Variants in CNTNAP2 observed in about 807,000 individuals in gnomAD.
CNTNAP2 encodes the protein contactin-associated protein-like 2.
Under a neutral mutation model 155.2 loss-of-function variants are expected in CNTNAP2, and 98 were observed. The observed-to-expected ratio is 0.63, with a 90% confidence interval of 0.54 to 0.75. The LOEUF is 0.75. CNTNAP2 is among the 30% of genes least tolerant of loss of function. CNTNAP2 has a pLI of 0.00. For synonymous variants in CNTNAP2, 651 were observed against 631.2 expected, an observed-to-expected ratio of 1.03 and a Z score of -0.47; for missense variants, 1,727 against 1,688.1, an observed-to-expected ratio of 1.02 and a Z score of -0.40.
At chr7:147,840,443 G>A (rs1183143979) in intron 13 of CNTNAP2, among the ~76,000 whole-genome samples, 1 of 152,172 alleles carries the variant, frequency 6.6e-6, no homozygotes, top group African/African-American at 2.4e-5. Context: ...GCAGTTGGGG[G>A]TGTCTGAGTT....
Position 146,697,507 on chromosome 7 carries a change from G to A in CNTNAP2, c.98-76764G>A, listed in dbSNP as rs545595277. On this transcript the variant is annotated intron_variant, in intron 1 of 23. Coordinates refer to ENST00000361727, the MANE Select transcript of CNTNAP2 (RefSeq NM_014141.6). ...TCCCTTCTCAGCCTCCCAAAGTGCG[G>A]GGATCATAGGCGTGAGCCACCACGC... is the stretch of plus-strand genomic sequence containing the variant. 4.6e-5 allele frequency among the ~76,000 whole-genome samples: 7 copies of A among 152,260 alleles called. No homozygotes were observed. The South Asian group carries it at 1.5e-3, about 32-fold the overall frequency.
chr7:147,101,710 G>A (rs1401780528), intron 4 of CNTNAP2, among the ~76,000 whole-genome samples: 2 of 151,974 alleles, frequency 1.3e-5, no homozygotes, highest in Non-Finnish European at 2.9e-5. Flanking sequence ...ACCACCCCAC[G>A]GCCATTCTCC....
intron 13 of CNTNAP2, among the ~76,000 whole-genome samples, chr7:147,678,133 C>T (rs1795895998): frequency 6.6e-6 from 1 of 151,840 alleles, no homozygotes; most frequent in Non-Finnish European, 1.5e-5. Context: ...TCCTTTCTAT[C>T]TTGCCCTGAA....
intron 17 of CNTNAP2, among the ~76,000 whole-genome samples, chr7:148,153,179 A>ATCTT (rs1805336567): frequency 6.6e-6 from 1 of 150,766 alleles, no homozygotes; most frequent in Non-Finnish European, 1.5e-5. Context: ...TTGCTGTGTG[A>ATCTT]TCTTTGCAAA....
intron 8 of CNTNAP2, among the ~76,000 whole-genome samples, chr7:147,194,642 T>C (rs10274399): frequency 0.34 from 52,193 of 152,090 alleles, 10,075 homozygotes; most frequent in East Asian, 0.6. Context: ...TGGTATCTAA[T>C]TGTGGTTTTG....
chr7:146,914,195 CTT>C (rs778808290), intron 3 of CNTNAP2, among the ~76,000 whole-genome samples: 11 of 152,026 alleles, frequency 7.2e-5, no homozygotes, highest in Non-Finnish European at 1.5e-4. Flanking sequence ...TTTATCCACT[CTT>C]TGACTGGTGG....
intron 13 of CNTNAP2, among the ~76,000 whole-genome samples, chr7:147,897,550 G>A (rs922598941): frequency 3.3e-5 from 5 of 152,174 alleles, no homozygotes; most frequent in African/African-American, 1.2e-4. Flanking sequence ...AAATGAATAT[G>A]ATAATCAGTT....
intron 3 of CNTNAP2, among the ~76,000 whole-genome samples, chr7:146,859,721 A>G (rs1795062554): frequency 6.6e-6 from 1 of 152,116 alleles, no homozygotes; most frequent in South Asian, 2.1e-4. Flanking sequence ...CTCTAAGCTT[A>G]ATTCCACCTC....
intron 1 of CNTNAP2, among the ~76,000 whole-genome samples, chr7:146,557,167 A>G (rs936101032): frequency 6.6e-6 from 1 of 152,020 alleles, no homozygotes; most frequent in Non-Finnish European, 1.5e-5. Flanking sequence ...CAACAGTGCC[A>G]TCAGCTGTAA....
At chr7:148,369,181 CTTTTTTTTTTTT>C (rs376460265) in intron 21 of CNTNAP2, among the ~76,000 whole-genome samples, 12 of 92,304 alleles carry the variant, frequency 1.3e-4, no homozygotes, top group Non-Finnish European at 2.0e-4. Flanking sequence ...AATTGAATCC[CTTTTTTTTTTTT>C]TTTTTTTTTT....
chr7:148,171,903 G>C (rs1805801256), intron 17 of CNTNAP2, among the ~76,000 whole-genome samples: 2 of 152,170 alleles, frequency 1.3e-5, no homozygotes, highest in African/African-American at 4.8e-5. Flanking sequence ...TCGATGTTGT[G>C]AGATTAAAGA....
At chr7:146,289,393 T>C (rs982717223) in intron 1 of CNTNAP2, among the ~76,000 whole-genome samples, 9 of 152,218 alleles carry the variant, frequency 5.9e-5, no homozygotes, top group Admixed American at 2.0e-4. Context: ...ATCTATCTCA[T>C]GGGAATTAAC....
At chr7:146,436,301 C>T (rs1374088513) in intron 1 of CNTNAP2, among the ~76,000 whole-genome samples, 3 of 152,066 alleles carry the variant, frequency 2.0e-5, no homozygotes, top group Admixed American at 1.3e-4. Flanking sequence ...TCAGTGTCTA[C>T]AAAAGAGGTA....
intron 3 of CNTNAP2, among the ~76,000 whole-genome samples, chr7:146,950,628 C>G (rs1224717250): frequency 6.6e-6 from 1 of 152,122 alleles, no homozygotes; most frequent in Non-Finnish European, 1.5e-5. Context: ...TGAACTCATT[C>G]TTTTCTATGG....
At chr7:148,109,365 T>TTTGTTTTGTA (rs2116594558) in intron 15 of CNTNAP2, among the ~76,000 whole-genome samples, 1 of 142,026 alleles carries the variant, frequency 7.0e-6, no homozygotes, top group South Asian at 2.3e-4. Context: ...TTTGTTTTGT[T>TTTGTTTTGTA]TTGTTTTGTT....
At chr7:147,869,344 A>C (rs948778433) in intron 13 of CNTNAP2, among the ~76,000 whole-genome samples, 2 of 152,244 alleles carry the variant, frequency 1.3e-5, no homozygotes, top group Admixed American at 1.3e-4. Flanking sequence ...TAGTTTGATC[A>C]TGAGATATTG....
At chr7:148,374,810 C>T (rs935955021) in intron 21 of CNTNAP2, among the ~76,000 whole-genome samples, 1 of 152,194 alleles carries the variant, frequency 6.6e-6, no homozygotes, top group African/African-American at 2.4e-5. Context: ...TGTTTCCCAG[C>T]AGCAAATAGC....
intron 9 of CNTNAP2, among the ~76,000 whole-genome samples, chr7:147,328,463 C>A (rs1003585145): frequency 6.6e-6 from 1 of 152,324 alleles, no homozygotes; most frequent in African/African-American, 2.4e-5. Flanking sequence ...TCACAATGGA[C>A]GGTTCCTCAG....
intron 8 of CNTNAP2, among the ~76,000 whole-genome samples, chr7:147,271,954 G>A (rs941125968): frequency 5.3e-5 from 8 of 152,064 alleles, no homozygotes; most frequent in South Asian, 2.1e-4. Context: ...GTGCTATGGC[G>A]CAGTCTTGGC....
Sources: gnomAD v4.1 joint callset for allele counts (sites outside exome capture counted in the v4.1 genomes callset) on GRCh38, gnomAD v4.1.1 for gene constraint, MANE v1.5 for transcripts, NCBI Gene and HGNC (gene_info 2026-07-23, HGNC 2026-07-21) for gene names.